The following HNF1A variants were observed in gnomAD, a reference collection of about 807,000 sequenced individuals.
The protein encoded by HNF1A is hepatocyte nuclear factor 1-alpha.
In HNF1A, 21 loss-of-function variants were observed where a neutral mutation model predicts 62.2. That is an observed-to-expected ratio of 0.34 (90% CI 0.24 to 0.49). The LOEUF is 0.49. HNF1A is among the 20% of genes least tolerant of loss of function. The probability of loss-of-function intolerance (pLI) is 0.99; values close to 1 mark genes in which losing one functional copy is unlikely to be tolerated. For synonymous variants in HNF1A, 374 were observed against 366.8 expected (o/e 1.02, Z -0.22); for missense variants, 687 against 832.3 (o/e 0.83, Z 2.15).
At chr12:120,983,798 G>T (rs149030470) in intron 1 of HNF1A, among the ~76,000 whole-genome samples, 1 of 151,950 alleles carries the variant, frequency 6.6e-6, no homozygotes, top group Non-Finnish European at 1.5e-5. Flanking sequence ...CACCCGCCTC[G>T]GCCTCCCAAA....
rs761324299 is a variant in HNF1A at position 121,001,175 on chromosome 12, G to C, written c.1879G>C (p.Ala627Pro). The change falls in exon 10 of 10, where the codon GCC becomes CCC. Residue 627 changes from alanine to proline, a missense_variant. Physicochemically the swap from Ala to Pro is conservative, Grantham distance 27. Transcript: ENST00000257555. The stretch of plus-strand genomic sequence containing the variant: ...CGAGACCTTCATCTCCACCCAGATG[G>C]CCTCTTCCTCCCAGTAACCACGGCA... Reference protein sequence around the residue: ...VIETFISTQMASSSQ With the variant: ...VIETFISTQMPSSSQ 6.2e-7 allele frequency: 1 copy of C among 1,614,056 alleles called. No individual in the cohort carries two copies. The highest frequency in any genetic ancestry group is 8.5e-7 in the Non-Finnish European group (1 of 1,179,978).
intron 1 of HNF1A, among the ~76,000 whole-genome samples, chr12:120,986,938 G>A (rs1450927800): frequency 6.6e-6 from 1 of 152,228 alleles, no homozygotes; most frequent in South Asian, 2.1e-4. Flanking sequence ...GAGAGAAAGA[G>A]GCAGGGATTG....
chr12:121,000,590 T>G, intron 9 of HNF1A: 2 of 225,976 alleles, frequency 8.9e-6, no homozygotes, highest in South Asian at 6.3e-5. Flanking sequence ...GGGGAGTGAA[T>G]TCTGCAGCCT....
At chr12:120,998,556 T>C (rs949465467) in intron 7 of HNF1A, among the ~76,000 whole-genome samples, 2 of 152,164 alleles carry the variant, frequency 1.3e-5, no homozygotes, top group African/African-American at 4.8e-5. Flanking sequence ...TTGGGGCCTG[T>C]GTATGTCTGT....
Position 121,002,003 on chromosome 12 carries a change from G to T in HNF1A, c.*811G>T. The T allele has an allele frequency of 3.7e-6, 2 of 536,682 alleles. No homozygotes were observed. Among genetic ancestry groups the T allele is most frequent in the Non-Finnish European group, 7.2e-6 (2 of 276,690 alleles). The allele number at this position is 536,682 out of a possible 1,614,324, so 33.2% of individuals were successfully genotyped here. ...TGGGAAGTCGTCCTTACTCCTGTGGGAGCCTCGCAACCCGTGCCAAGTCCA... is the reference window on the plus strand; with the variant it reads ...TGGGAAGTCGTCCTTACTCCTGTGGTAGCCTCGCAACCCGTGCCAAGTCCA... On this transcript the variant is annotated 3_prime_UTR_variant, in exon 10 of 10. Transcript: ENST00000257555.
At chr12:120,999,163 TG>T in intron 7 of HNF1A, 104 bp from the exon 8 acceptor site, 1 of 1,362,716 alleles carries the variant, frequency 7.3e-7, no homozygotes, top group Non-Finnish European at 1.0e-6. Flanking sequence ...CTGCCCAGTC[TG>T]GCTGTTCAGC....
chr12:120,996,508 G>A lies in HNF1A; in HGVS notation c.1108-33G>A, dbSNP rs746248577. On this transcript the variant is annotated intron_variant, in intron 5 of 9. Coordinates refer to ENST00000257555, the MANE Select transcript of HNF1A (RefSeq NM_000545.8). This position sits in a 1 kb window ranked among gnomAD's most constrained non-coding sequence, Gnocchi z 4.5. ...CTAGGGAGGCCCTGTGGGGACCCCG[G>A]CCCCCCGGACACAGCTTGGCTTCCC... The A allele has an allele frequency of 1.9e-6, 3 of 1,612,722 alleles. No individual in the cohort carries two copies. Among genetic ancestry groups the A allele is most frequent in the South Asian group, 1.1e-5 (1 of 91,034 alleles).
chr12:120,984,156 A>G (rs1472118196), intron 1 of HNF1A, among the ~76,000 whole-genome samples: 1 of 152,210 alleles, frequency 6.6e-6, no homozygotes, highest in Admixed American at 6.5e-5. Flanking sequence ...TTTTTGCCCA[A>G]CTCTACTAGG....
In HNF1A at chr12:120,997,505, G is replaced by T. The variant is rs776169793; in HGVS notation, c.1341G>T (p.Pro447=). Residue 447 remains proline, a synonymous_variant, in exon 7 of 10, where the codon CCG becomes CCT. Transcript: ENST00000257555. ...CCTCCACGCAGGCACAGAGTGTGCC[G>T]GTCATCAACAGCATGGGCAGCAGCC... The part of the protein sequence containing the change: ...GLASTQAQSV[P]VINSMGSSLT... 6.2e-7 allele frequency: 1 copy of T among 1,612,156 alleles called. No homozygotes were observed. Among genetic ancestry groups the T allele is most frequent in the Non-Finnish European group, 8.5e-7 (1 of 1,179,638 alleles).
At chr12:120,990,028 C>T (rs1876731937) in intron 2 of HNF1A, among the ~76,000 whole-genome samples, 1 of 152,170 alleles carries the variant, frequency 6.6e-6, no homozygotes, top group Non-Finnish European at 1.5e-5. Context: ...GGGTTTTCTT[C>T]TCCAGGCCTC....
intron 1 of HNF1A, among the ~76,000 whole-genome samples, chr12:120,985,586 C>G (rs1304144236): frequency 6.6e-6 from 1 of 151,938 alleles, no homozygotes; most frequent in Admixed American, 6.6e-5. Context: ...GTGGGAGAAC[C>G]AATTGAGCCC....
Position 120,994,354 on chromosome 12 carries a change from C to T in HNF1A, c.904C>T (p.His302Tyr), listed in dbSNP as rs1460756897. The change falls in exon 4 of 10, where the codon CAC (histidine) becomes TAC (tyrosine). Residue 302 changes from histidine to tyrosine, a missense_variant. Transcript: ENST00000257555. ...AGGCCCGGGACCTGCGCTGCCCGCT[C>T]ACAGCTCCCCTGGCCTGCCTCCACC... is the stretch of plus-strand genomic sequence containing the variant. Reference protein sequence around the residue: ...GPGPGPALPAHSSPGLPPPAL... With the variant: ...GPGPGPALPAYSSPGLPPPAL... The T allele has an allele frequency of 1.9e-6, 3 of 1,600,210 alleles. No homozygotes were observed. Among genetic ancestry groups the T allele is most frequent in the Non-Finnish European group, 2.6e-6 (3 of 1,173,682 alleles).
Position 120,999,444 on chromosome 12 carries a change from C to G in HNF1A, c.1624-39C>G, listed in dbSNP as rs775625088. 9.3e-6 allele frequency: 15 copies of G among 1,613,730 alleles called. No homozygotes were observed. The African/African-American group carries it at 1.9e-4, about 20-fold the overall frequency. The stretch of plus-strand genomic sequence containing the variant: ...GGCCTGTGACAGAGCCCCTCACCCC[C>G]ACATCCCCCGGGCTCAGGAGGCTGC... On this transcript the variant is annotated intron_variant, in intron 8 of 9. Coordinates refer to ENST00000257555, the MANE Select transcript of HNF1A (RefSeq NM_000545.8).
intron 7 of HNF1A, 25 bp downstream of exon 7, chr12:120,997,690 CAGG>C (rs767340834): frequency 4.4e-6 from 7 of 1,595,830 alleles, no homozygotes; most frequent in Non-Finnish European, 6.0e-6. Context: ...CCCCACACAG[CAGG>C]AGATGATGAT....
Position 120,996,028 on chromosome 12 carries a change from A to T in HNF1A, c.956-234A>T, listed in dbSNP as rs1480799427. On this transcript the variant is annotated intron_variant, in intron 4 of 9. Transcript: ENST00000257555. This position sits in a 1 kb window ranked among gnomAD's most constrained non-coding sequence, Gnocchi z 4.5. The stretch of plus-strand genomic sequence containing the variant: ...GCACCTACTGCATGTCAGGTATAGC[A>T]CTAGGCAGTGGGAGGAATGGAGCTA... Among the ~76,000 whole-genome samples, 1 of 152,252 alleles carries T rather than the reference A, an allele frequency of 6.6e-6. No individual in the cohort carries two copies. The highest frequency in any genetic ancestry group is 1.5e-5 in the Non-Finnish European group (1 of 68,042).
chr12:120,993,386 T>C (rs1356960874), intron 2 of HNF1A, 134 bp from the exon 3 acceptor site: 2 of 835,090 alleles, frequency 2.4e-6, no homozygotes, highest in African/African-American at 1.7e-5. Flanking sequence ...GATTAGATGA[T>C]TTCTAAGTTC....
intron 1 of HNF1A, among the ~76,000 whole-genome samples, chr12:120,987,821 C>T (rs907225678): frequency 5.3e-5 from 8 of 151,964 alleles, no homozygotes; most frequent in Non-Finnish European, 1.0e-4. Context: ...TACGTGTTTG[C>T]ACCCTAATCA....
rs193922584 is a variant in HNF1A at position 120,999,305 on chromosome 12, C to T, written c.1539C>T (p.Thr513=). Residue 513 remains threonine, a synonymous_variant, in exon 8 of 10, where the codon ACC becomes ACT. Coordinates refer to ENST00000257555, the MANE Select transcript of HNF1A (RefSeq NM_000545.8). ...YSHKPEVAQY[T]HTGLLPQTML... ...ACAAGCCCGAGGTGGCCCAGTACACCCACACGGGCCTGCTCCCGCAGACTA... is the reference window on the plus strand; with the variant it reads ...ACAAGCCCGAGGTGGCCCAGTACACTCACACGGGCCTGCTCCCGCAGACTA... The T allele has an allele frequency of 3.6e-4, 582 of 1,614,038 alleles. No individual in the cohort carries two copies. Among genetic ancestry groups the T allele is most frequent in the Middle Eastern group, 2.3e-3 (14 of 6,062 alleles).
intron 1 of HNF1A, among the ~76,000 whole-genome samples, chr12:120,983,685 A>G (rs1027019596): frequency 1.3e-5 from 2 of 151,842 alleles, no homozygotes; most frequent in Non-Finnish European, 2.9e-5. Flanking sequence ...AGCTGGGACC[A>G]CAGGCATACG....
Sources: allele counts gnomAD v4.1 joint callset (sites outside exome capture counted in the v4.1 genomes callset), GRCh38; gene constraint gnomAD v4.1.1; non-coding constraint Gnocchi (gnomAD v3.1); transcripts MANE v1.5; gene names NCBI Gene and HGNC (gene_info 2026-07-23, HGNC 2026-07-21).